Variants in TRPM3 observed in about 807,000 individuals in gnomAD.
TRPM3 encodes long transient receptor potential channel 3.
Under a neutral mutation model 181.2 loss-of-function variants are expected in TRPM3, and 77 were observed. That is an observed-to-expected ratio of 0.42 (90% CI 0.35 to 0.51). TRPM3 has a LOEUF of 0.51. Ranked by LOEUF, TRPM3 falls within the 20% of genes least tolerant of loss-of-function variation. TRPM3 has a pLI of 0.01. For synonymous variants in TRPM3, 745 were observed against 796.4 expected, an observed-to-expected ratio of 0.94 and a Z score of 1.09; for missense variants, 1,759 against 2,196.7, an observed-to-expected ratio of 0.80 and a Z score of 3.98.
rs970833225 is a variant in TRPM3, at chr9:71,434,219, C to A, written c.183+12434G>T. On this transcript the variant is annotated intron_variant, in intron 1 of 24. Coordinates refer to the TRPM3 transcript ENST00000357533. Reference sequence around the variant, plus strand: ...GTGTGCTAAATGTTTGTGTCCCCCCCAAAATTCATATGTTTAAACTTAGTT... The same window carrying A: ...GTGTGCTAAATGTTTGTGTCCCCCCAAAAATTCATATGTTTAAACTTAGTT... Among the ~76,000 whole-genome samples, 3 of 152,032 alleles carry A rather than the reference C, an allele frequency of 2.0e-5. 1 individual carries two copies. Among genetic ancestry groups the A allele is most frequent in the South Asian group, 4.2e-4 (2 of 4,814 alleles).
intron 18 of TRPM3, among the ~76,000 whole-genome samples, chr9:70,615,588 G>T (rs2062666455): frequency 6.6e-6 from 1 of 152,206 alleles, no homozygotes; most frequent in Non-Finnish European, 1.5e-5. Context: ...TGTGTGCTGA[G>T]ACAGACACAT....
At chr9:71,282,274 AAG>A (rs369946873) in intron 1 of TRPM3, among the ~76,000 whole-genome samples, 1 of 112,370 alleles carries the variant, frequency 8.9e-6, no homozygotes, top group Admixed American at 7.9e-5. Flanking sequence ...GAAAGAGAGA[AAG>A]AAAGAAAAGA....
At chr9:70,839,367 T>C (rs1415229) in intron 5 of TRPM3, among the ~76,000 whole-genome samples, 80,352 of 151,884 alleles carry the variant, frequency 0.53, 21,879 homozygotes, top group Non-Finnish European at 0.56. Context: ...TTCAGAAGAT[T>C]TAGAAGCACA....
chr9:70,930,640 T>C (rs1291144036), intron 1 of TRPM3, among the ~76,000 whole-genome samples: 1 of 152,196 alleles, frequency 6.6e-6, no homozygotes, highest in Admixed American at 6.5e-5. Flanking sequence ...CATTATGGCA[T>C]AAGATGTAGG....
chr9:71,325,231 T>C (rs1167595715), intron 1 of TRPM3, among the ~76,000 whole-genome samples: 1 of 152,146 alleles, frequency 6.6e-6, no homozygotes, highest in Non-Finnish European at 1.5e-5. Flanking sequence ...ACACAAGATA[T>C]TAAAACAAAG....
upstream of TRPM3, among the ~76,000 whole-genome samples, chr9:71,122,706 C>T (rs192411356): frequency 1.3e-5 from 2 of 152,266 alleles, no homozygotes; most frequent in East Asian, 1.9e-4. Context: ...GAAATCAATA[C>T]CTGACACACT....
chr9:70,675,194 A>G (rs1228150622), intron 9 of TRPM3, among the ~76,000 whole-genome samples: 1 of 151,914 alleles, frequency 6.6e-6, no homozygotes, highest in Non-Finnish European at 1.5e-5. Flanking sequence ...TCCACCTCCC[A>G]GGTTCAAGTG....
chr9:70,808,406 T>G (rs2091168981), intron 6 of TRPM3, among the ~76,000 whole-genome samples: 1 of 152,146 alleles, frequency 6.6e-6, no homozygotes, highest in Admixed American at 6.5e-5. Context: ...TGTAGAAAAG[T>G]CTCTTTGCTG....
chr9:71,324,521 A>G (rs2132487615), intron 1 of TRPM3, among the ~76,000 whole-genome samples: 1 of 152,120 alleles, frequency 6.6e-6, no homozygotes, highest in African/African-American at 2.4e-5. Flanking sequence ...GTTGATGGGA[A>G]TGTGATCTAG....
chr9:70,929,105 G>C (rs1472479531), intron 1 of TRPM3, among the ~76,000 whole-genome samples: 1 of 151,930 alleles, frequency 6.6e-6, no homozygotes, highest in Non-Finnish European at 1.5e-5. Flanking sequence ...CTCATAAATG[G>C]TGAAAAGTAG....
chr9:71,386,232 C>T (rs899783290), intron 1 of TRPM3, among the ~76,000 whole-genome samples: 9 of 151,758 alleles, frequency 5.9e-5, no homozygotes, highest in Non-Finnish European at 8.8e-5. Flanking sequence ...TGGCAGATCA[C>T]GAGGTCAGGA....
chr9:70,679,088 T>C (rs1421351792), intron 9 of TRPM3, among the ~76,000 whole-genome samples: 1 of 152,226 alleles, frequency 6.6e-6, no homozygotes, highest in Non-Finnish European at 1.5e-5. Context: ...TGTGGCAGTG[T>C]TTTTTTAAAC....
intron 1 of TRPM3, among the ~76,000 whole-genome samples, chr9:71,021,337 G>A (rs562681996): frequency 8.5e-5 from 13 of 152,090 alleles, no homozygotes; most frequent in Non-Finnish European, 1.8e-4. Context: ...TTTTAAGTAT[G>A]CATGTGCTTC....
At chr9:70,964,510 A>G (rs1590129563) in intron 1 of TRPM3, among the ~76,000 whole-genome samples, 1 of 152,212 alleles carries the variant, frequency 6.6e-6, no homozygotes, top group East Asian at 1.9e-4. Context: ...TGGGACAGCA[A>G]GCATTCACTG....
chr9:71,264,252 A>G (rs1482388652), intron 1 of TRPM3, among the ~76,000 whole-genome samples: 1 of 152,132 alleles, frequency 6.6e-6, no homozygotes, highest in Non-Finnish European at 1.5e-5. Flanking sequence ...AGGAAGAAAA[A>G]CGCATTGTGG....
chr9:70,893,327 T>A (rs1465313681), intron 1 of TRPM3, among the ~76,000 whole-genome samples: 1 of 152,186 alleles, frequency 6.6e-6, no homozygotes, highest in African/African-American at 2.4e-5. Flanking sequence ...TAAATGCTCT[T>A]AGCCTTAGTT....
At chr9:70,811,115 G>T in intron 6 of TRPM3, 2 of 1,373,456 alleles carry the variant, frequency 1.5e-6, no homozygotes, top group Non-Finnish European at 1.0e-6. Context: ...AGACTTCTGT[G>T]GTTAATTTCT....
chr9:70,682,752 GA>G (rs1167465646), intron 8 of TRPM3, among the ~76,000 whole-genome samples: 1 of 152,090 alleles, frequency 6.6e-6, no homozygotes, highest in East Asian at 1.9e-4. Context: ...GGAGGCTATA[GA>G]AAAAAAGCCA....
chr9:70,922,476 T>C (rs1019642675), intron 1 of TRPM3, among the ~76,000 whole-genome samples: 1 of 152,210 alleles, frequency 6.6e-6, no homozygotes, highest in Non-Finnish European at 1.5e-5. Context: ...GTTATATAAT[T>C]TATATCTTCA....
Sources: gnomAD v4.1 joint callset for allele counts (sites outside exome capture counted in the v4.1 genomes callset) on GRCh38, gnomAD v4.1.1 for gene constraint, MANE v1.5 for transcripts, NCBI Gene and HGNC (gene_info 2026-07-23, HGNC 2026-07-21) for gene names.